Variants in TRIP12 observed in about 807,000 individuals in gnomAD.
TRIP12 encodes the protein thyroid hormone receptor interactor 12.
TRIP12 carries 25 observed loss-of-function variants against 244.2 expected under a neutral mutation model. The observed-to-expected ratio is 0.10, with a 90% CI of 0.07 to 0.14. The LOEUF is 0.14. Among genes scored for constraint, TRIP12 ranks in the 10% least tolerant of loss-of-function variants. TRIP12 has a pLI of 1.00. For missense variants in TRIP12, 1,677 were observed against 2,486.4 expected (o/e 0.67, Z 6.92); for synonymous variants, 905 against 873.1 (o/e 1.04, Z -0.64).
intron 2 of TRIP12, among the ~76,000 whole-genome samples, chr2:229,878,719 TA>T (rs973489080): frequency 6.6e-6 from 1 of 151,390 alleles, no homozygotes; most frequent in Non-Finnish European, 1.5e-5. Flanking sequence ...TAGCTGGGAC[TA>T]CAGGCGCCCA....
intron 1 of TRIP12, among the ~76,000 whole-genome samples, chr2:229,919,385 A>G (rs1412328713): frequency 6.6e-6 from 1 of 152,010 alleles, no homozygotes; most frequent in Non-Finnish European, 1.5e-5. Context: ...ACTGCACTCC[A>G]GCCTAGGCGA....
At chr2:229,819,768 TA>T (rs1482747558) in intron 8 of TRIP12, among the ~76,000 whole-genome samples, 1 of 152,192 alleles carries the variant, frequency 6.6e-6, no homozygotes. Context: ...AGAAATGGGA[TA>T]TATGTCTGGA....
intron 8 of TRIP12, among the ~76,000 whole-genome samples, chr2:229,818,718 G>C (rs1396963486): frequency 2.6e-5 from 4 of 152,114 alleles, no homozygotes; most frequent in Non-Finnish European, 5.9e-5. Context: ...TGCTTTCACA[G>C]TTATATACTT....
intron 2 of TRIP12, among the ~76,000 whole-genome samples, chr2:229,861,714 T>G (rs140867433): frequency 6.6e-6 from 1 of 152,332 alleles, no homozygotes; most frequent in African/African-American, 2.4e-5. Flanking sequence ...GTATCACTTC[T>G]TCTTCCATCT....
At chr2:229,850,386 A>C (rs969353519) in intron 4 of TRIP12, among the ~76,000 whole-genome samples, 9 of 152,232 alleles carry the variant, frequency 5.9e-5, no homozygotes, top group Non-Finnish European at 5.9e-5. Context: ...TTAAGTTGCT[A>C]AATTACTTTA....
chr2:229,886,034 T>C (rs1278935194), intron 1 of TRIP12, among the ~76,000 whole-genome samples: 5 of 152,064 alleles, frequency 3.3e-5, no homozygotes, highest in African/African-American at 1.2e-4. Context: ...GGGGAAATCA[T>C]CAGGTCCATC....
chr2:229,894,848 A>G (rs2068352133), intron 1 of TRIP12, among the ~76,000 whole-genome samples: 1 of 152,172 alleles, frequency 6.6e-6, no homozygotes, highest in African/African-American at 2.4e-5. Flanking sequence ...TTGAGGTGCC[A>G]TGTTTCCTAA....
chr2:229,827,154 C>A (rs831371), intron 8 of TRIP12, among the ~76,000 whole-genome samples: 70,579 of 151,494 alleles, frequency 0.47, 17,359 homozygotes, highest in East Asian at 0.67. Context: ...GTGGCACGTG[C>A]CTGTAGTCCC....
At chr2:229,772,894 T>C (rs542242924) in intron 38 of TRIP12, among the ~76,000 whole-genome samples, 1 of 152,260 alleles carries the variant, frequency 6.6e-6, no homozygotes, top group South Asian at 2.1e-4. Context: ...AAGGGGTAGA[T>C]AGCCATTCTG....
At chr2:229,844,533 C>G (rs1414868557) in intron 4 of TRIP12, among the ~76,000 whole-genome samples, 4 of 152,154 alleles carry the variant, frequency 2.6e-5, no homozygotes, top group African/African-American at 9.7e-5. Context: ...ACACATCAGA[C>G]CTATTACACA....
At chr2:229,886,144 C>T (rs1424825624) in intron 1 of TRIP12, among the ~76,000 whole-genome samples, 1 of 152,132 alleles carries the variant, frequency 6.6e-6, no homozygotes, top group Non-Finnish European at 1.5e-5. Flanking sequence ...GGAAGCAATA[C>T]AAAATCAGCA....
chr2:229,864,047 A>AGAGAGAGAGTGAGTGTGTGT, intron 2 of TRIP12, among the ~76,000 whole-genome samples: 9 of 79,280 alleles, frequency 1.1e-4, no homozygotes, highest in Non-Finnish European at 2.3e-4. Context: ...AGAGAGAGAG[A>AGAGAGAGAGTGAGTGTGTGT]GTGTGTGTGT....
At chr2:229,840,407 A>G (rs1398880512) in intron 5 of TRIP12, among the ~76,000 whole-genome samples, 1 of 152,178 alleles carries the variant, frequency 6.6e-6, no homozygotes, top group African/African-American at 2.4e-5. Context: ...AATTTAAATA[A>G]TTTTTTAAAA....
chr2:229,833,120 C>T (rs2154300754), intron 6 of TRIP12, among the ~76,000 whole-genome samples: 1 of 152,280 alleles, frequency 6.6e-6, no homozygotes, highest in East Asian at 1.9e-4. Flanking sequence ...CCTAACATTA[C>T]TTCTTAAATA....
chr2:229,852,163 C>T (rs1240556623), intron 4 of TRIP12, among the ~76,000 whole-genome samples: 1 of 152,184 alleles, frequency 6.6e-6, no homozygotes, highest in African/African-American at 2.4e-5. Context: ...AAGCTGTTAA[C>T]TACTGCTATG....
At chr2:229,838,851 G>T (rs1423393953) in intron 5 of TRIP12, among the ~76,000 whole-genome samples, 1 of 152,136 alleles carries the variant, frequency 6.6e-6, no homozygotes, top group Non-Finnish European at 1.5e-5. Flanking sequence ...AAGATTTAAG[G>T]TGGCAAAGCT....
At chr2:229,827,563 G>T (rs183548505) in intron 8 of TRIP12, among the ~76,000 whole-genome samples, 3 of 152,038 alleles carry the variant, frequency 2.0e-5, no homozygotes, top group African/African-American at 7.2e-5. Context: ...GAAGATCATC[G>T]GTATCATTAC....
chr2:229,858,220 C>A (rs1382796479), intron 4 of TRIP12, among the ~76,000 whole-genome samples: 2 of 152,046 alleles, frequency 1.3e-5, no homozygotes, highest in Admixed American at 1.3e-4. Flanking sequence ...AAAAATTACC[C>A]AGGCATGGTG....
rs962336626 is a variant in TRIP12 at position 229,858,685 on chromosome 2, A to G, written c.1027+87T>C. 4 of 1,211,378 alleles carry G rather than the reference A, an allele frequency of 3.3e-6. No homozygotes were observed. The East Asian group carries it at 7.4e-5, about 23-fold the overall frequency. 75.0% of individuals were successfully genotyped at this position (1,211,378 alleles called of 1,614,324 possible). Reference sequence around the variant, plus strand: ...AAGATTATCTAAGACTGGGGGGAAAAAACCCTTAACTTTAAAGCATAATTG... The same window carrying G: ...AAGATTATCTAAGACTGGGGGGAAAGAACCCTTAACTTTAAAGCATAATTG... On this transcript the variant is annotated intron_variant, in intron 4 of 41. Transcript: ENST00000675903.
Sources: gnomAD v4.1 joint callset for allele counts (sites outside exome capture counted in the v4.1 genomes callset) on GRCh38, gnomAD v4.1.1 for gene constraint, MANE v1.5 for transcripts, NCBI Gene and HGNC (gene_info 2026-07-23, HGNC 2026-07-21) for gene names.